The following DLG2 variants were observed in gnomAD, a reference collection of about 807,000 sequenced individuals.
DLG2 encodes the protein disks large homolog 2.
In DLG2, 45 loss-of-function variants were observed where a neutral mutation model predicts 132.5. The observed-to-expected ratio is 0.34, with a 90% CI of 0.27 to 0.44. The LOEUF (loss-of-function observed/expected upper bound fraction) is 0.44. DLG2 is among the 20% of genes least tolerant of loss of function. The probability of loss-of-function intolerance (pLI) is 1.00; values close to 1 mark genes in which losing one functional copy is unlikely to be tolerated. For synonymous variants in DLG2, 424 were observed against 419.6 expected, an observed-to-expected ratio of 1.01 and a Z score of -0.13; for missense variants, 1,045 against 1,196.9, an observed-to-expected ratio of 0.87 and a Z score of 1.87.
At chr11:85,067,539 G>T (rs2065114527) in intron 6 of DLG2, among the ~76,000 whole-genome samples, 1 of 151,798 alleles carries the variant, frequency 6.6e-6, no homozygotes, top group South Asian at 2.1e-4. Context: ...ATTCTGGTAT[G>T]TTGTGTCTTT....
At chr11:84,316,562 T>C (rs2098358253) in intron 7 of DLG2, among the ~76,000 whole-genome samples, 3 of 151,958 alleles carry the variant, frequency 2.0e-5, no homozygotes, top group Admixed American at 6.6e-5. Flanking sequence ...AAGACTATGA[T>C]AAAAAATAAT....
chr11:84,836,143 CA>C (rs1228154245), intron 6 of DLG2, among the ~76,000 whole-genome samples: 1 of 151,634 alleles, frequency 6.6e-6, no homozygotes, highest in Admixed American at 6.6e-5. Flanking sequence ...ATGATTTTTA[CA>C]AGATTCCAGT....
intron 6 of DLG2, among the ~76,000 whole-genome samples, chr11:85,042,059 T>C (rs955386120): frequency 1.4e-4 from 21 of 151,804 alleles, no homozygotes; most frequent in Non-Finnish European, 2.9e-4. Flanking sequence ...CCAAAATCAC[T>C]TTTACCCCTA....
chr11:83,474,024 T>C (rs2092370962), intron 22 of DLG2, among the ~76,000 whole-genome samples: 1 of 152,038 alleles, frequency 6.6e-6, no homozygotes, highest in Non-Finnish European at 1.5e-5. Context: ...GCTGAAGTCA[T>C]ATCTTATCTC....
intron 6 of DLG2, among the ~76,000 whole-genome samples, chr11:85,073,961 C>G (rs2066195404): frequency 1.3e-5 from 2 of 151,824 alleles, no homozygotes; most frequent in African/African-American, 4.8e-5. Flanking sequence ...CTGAATGTAT[C>G]TGAAGGCCAT....
chr11:84,401,759 C>T (rs574063988), intron 7 of DLG2, among the ~76,000 whole-genome samples: 24 of 152,158 alleles, frequency 1.6e-4, no homozygotes, highest in African/African-American at 4.8e-4. Flanking sequence ...CTTGGCTCAC[C>T]GAAAGCTCCG....
At chr11:83,561,112 G>A (rs1003892935) in intron 19 of DLG2, among the ~76,000 whole-genome samples, 16 of 152,124 alleles carry the variant, frequency 1.1e-4, no homozygotes, top group Non-Finnish European at 2.1e-4. Flanking sequence ...CAGATCTTGT[G>A]ATAACTCTAT....
intron 8 of DLG2, among the ~76,000 whole-genome samples, chr11:84,201,798 A>G (rs1398319638): frequency 1.4e-5 from 2 of 144,198 alleles, no homozygotes; most frequent in South Asian, 2.2e-4. Context: ...GAGTTAGAAG[A>G]AACTATTTTC....
intron 6 of DLG2, among the ~76,000 whole-genome samples, chr11:84,969,268 T>A (rs1591996904): frequency 6.6e-6 from 1 of 152,146 alleles, no homozygotes; most frequent in Non-Finnish European, 1.5e-5. Context: ...GTATCTAAAG[T>A]GACCATAGTG....
At chr11:84,559,963 T>C (rs1165536379) in intron 6 of DLG2, among the ~76,000 whole-genome samples, 1 of 152,134 alleles carries the variant, frequency 6.6e-6, no homozygotes, top group Non-Finnish European at 1.5e-5. Context: ...GATGAAGACC[T>C]ACTCTGTGCC....
chr11:84,157,102 G>C (rs1319321058), intron 9 of DLG2, among the ~76,000 whole-genome samples: 1 of 151,976 alleles, frequency 6.6e-6, no homozygotes, highest in Non-Finnish European at 1.5e-5. Context: ...GGTTTGAGTA[G>C]ATATTTGATA....
At chr11:85,483,631 A>C (rs867505992) in intron 3 of DLG2, among the ~76,000 whole-genome samples, 1 of 152,192 alleles carries the variant, frequency 6.6e-6, no homozygotes, top group Non-Finnish European at 1.5e-5. Context: ...CTTTAGTATG[A>C]AGGTTAAAAG....
intron 19 of DLG2, among the ~76,000 whole-genome samples, chr11:83,548,552 C>A (rs1236576394): frequency 6.6e-6 from 1 of 152,118 alleles, no homozygotes; most frequent in East Asian, 1.9e-4. Context: ...TGGAATAAAA[C>A]AACTACTCAG....
intron 6 of DLG2, among the ~76,000 whole-genome samples, chr11:84,768,244 T>G (rs1295077190): frequency 6.6e-6 from 1 of 152,226 alleles, no homozygotes; most frequent in Non-Finnish European, 1.5e-5. Context: ...ATGGCTATTT[T>G]AGTCTGAGCC....
intron 5 of DLG2, among the ~76,000 whole-genome samples, chr11:85,124,812 T>G (rs962893128): frequency 6.6e-6 from 1 of 150,958 alleles, no homozygotes; most frequent in Non-Finnish European, 1.5e-5. Context: ...ATAATATTTT[T>G]TAAAGTTTTG....
intron 19 of DLG2, among the ~76,000 whole-genome samples, chr11:83,612,001 G>C (rs536209985): frequency 6.6e-6 from 1 of 152,304 alleles, no homozygotes; most frequent in South Asian, 2.1e-4. Flanking sequence ...TTATATACTT[G>C]ACCTTTACCA....
chr11:83,917,017 T>C (rs899675119), intron 15 of DLG2, among the ~76,000 whole-genome samples: 2 of 152,186 alleles, frequency 1.3e-5, no homozygotes, highest in Non-Finnish European at 2.9e-5. Flanking sequence ...TCAAGCATTA[T>C]ATGATTTAAT....
intron 15 of DLG2, among the ~76,000 whole-genome samples, chr11:83,895,106 A>G (rs983696412): frequency 3.3e-5 from 5 of 150,802 alleles, no homozygotes; most frequent in African/African-American, 1.2e-4. Context: ...ATGCACATAC[A>G]TGTGTATCAG....
chr11:85,140,708 C>T (rs531998876), intron 5 of DLG2, among the ~76,000 whole-genome samples: 1 of 151,464 alleles, frequency 6.6e-6, no homozygotes, highest in South Asian at 2.1e-4. Flanking sequence ...ATAAATTAAC[C>T]ATCCCCACTT....
Sources: gnomAD v4.1 joint callset for allele counts (sites outside exome capture counted in the v4.1 genomes callset) on GRCh38, gnomAD v4.1.1 for gene constraint, MANE v1.5 for transcripts, NCBI Gene and HGNC (gene_info 2026-07-23, HGNC 2026-07-21) for gene names.